Variants in GALNT13 observed in about 807,000 individuals in gnomAD.
GALNT13 encodes the protein UDP-GalNAc:polypeptide N-acetylgalactosaminyltransferase 13.
GALNT13 carries 28 observed loss-of-function variants against 64.2 expected under a neutral mutation model. That is an observed-to-expected ratio of 0.44 (90% confidence interval 0.32 to 0.60). The LOEUF is 0.60. Among genes scored for constraint, GALNT13 ranks in the 20% least tolerant of loss-of-function variants. The pLI is 0.05. For missense variants in GALNT13, 577 were observed against 669.8 expected, an observed-to-expected ratio of 0.86 and a Z score of 1.53; for synonymous variants, 214 against 224.6, an observed-to-expected ratio of 0.95 and a Z score of 0.42.
chr2:153,719,410 C>T, the GALNT13 span, among the ~76,000 whole-genome samples: 1 of 152,160 alleles, frequency 6.6e-6, no homozygotes, highest in African/African-American at 2.4e-5. Flanking sequence ...TATTTGCTTC[C>T]ATATTTGTTC....
intron 10 of GALNT13, among the ~76,000 whole-genome samples, chr2:154,408,758 A>G (rs1699662902): frequency 2.6e-5 from 4 of 152,066 alleles, no homozygotes; most frequent in Non-Finnish European, 1.5e-5. Context: ...TTAGATGCCA[A>G]TGCCAATTCT....
At chr2:154,200,529 T>G (rs1331975042) in intron 4 of GALNT13, among the ~76,000 whole-genome samples, 1 of 152,160 alleles carries the variant, frequency 6.6e-6, no homozygotes, top group African/African-American at 2.4e-5. Flanking sequence ...AAGTTGAAGA[T>G]CAAGGTGCTG....
the GALNT13 span, among the ~76,000 whole-genome samples, chr2:153,654,814 G>A: frequency 1.3e-5 from 2 of 151,924 alleles, no homozygotes; most frequent in African/African-American, 4.8e-5. Context: ...AGCATTTGTG[G>A]ATTTTGGTAT....
chr2:154,281,326 G>A (rs954374165), intron 8 of GALNT13, among the ~76,000 whole-genome samples: 7 of 152,004 alleles, frequency 4.6e-5, no homozygotes, highest in African/African-American at 1.7e-4. Context: ...CACAGAGAAC[G>A]GAAGATTTGC....
the GALNT13 span, among the ~76,000 whole-genome samples, chr2:153,561,053 T>G: frequency 1.1e-4 from 17 of 152,050 alleles, no homozygotes; most frequent in African/African-American, 4.1e-4. Flanking sequence ...TTTATTACTC[T>G]TATTTTATTG....
chr2:153,664,683 A>G, the GALNT13 span, among the ~76,000 whole-genome samples: 2 of 152,340 alleles, frequency 1.3e-5, no homozygotes, highest in African/African-American at 4.8e-5. Flanking sequence ...GCATTAAGAA[A>G]TTATAAAAGT....
the GALNT13 span, among the ~76,000 whole-genome samples, chr2:153,723,042 C>G: frequency 6.6e-6 from 1 of 151,646 alleles, no homozygotes; most frequent in Non-Finnish European, 1.5e-5. Context: ...AACATTGATG[C>G]AAAAATCCTC....
the GALNT13 span, among the ~76,000 whole-genome samples, chr2:153,083,503 A>AT: frequency 1.3e-5 from 2 of 152,004 alleles, no homozygotes; most frequent in Admixed American, 6.6e-5. Flanking sequence ...GAATTTGAGC[A>AT]TTTTTTAATA....
At chr2:153,674,273 G>T in the GALNT13 span, among the ~76,000 whole-genome samples, 1 of 152,160 alleles carries the variant, frequency 6.6e-6, no homozygotes, top group African/African-American at 2.4e-5. Flanking sequence ...AACAAAGCTG[G>T]AGGCATCATG....
At chr2:154,394,307 T>C (rs915399836) in intron 9 of GALNT13, among the ~76,000 whole-genome samples, 2 of 151,998 alleles carry the variant, frequency 1.3e-5, no homozygotes, top group Non-Finnish European at 2.9e-5. Flanking sequence ...GACGTGAAAA[T>C]TATGTGAAAT....
the GALNT13 span, among the ~76,000 whole-genome samples, chr2:153,604,471 C>T: frequency 6.6e-6 from 1 of 152,008 alleles, no homozygotes; most frequent in Non-Finnish European, 1.5e-5. Context: ...GGTCTCCTCC[C>T]TCAGTTATTT....
chr2:154,252,558 G>A (rs534766759), intron 7 of GALNT13, among the ~76,000 whole-genome samples: 6 of 151,650 alleles, frequency 4.0e-5, no homozygotes, highest in African/African-American at 7.2e-5. Flanking sequence ...GGGTTTCACC[G>A]TGTTAGCCAG....
intron 3 of GALNT13, among the ~76,000 whole-genome samples, chr2:154,048,889 TTAAGTA>T (rs1283140309): frequency 1.3e-5 from 2 of 152,114 alleles, no homozygotes; most frequent in Non-Finnish European, 2.9e-5. Flanking sequence ...TATGGAAAGA[TTAAGTA>T]TATGGATAAT....
the GALNT13 span, among the ~76,000 whole-genome samples, chr2:153,525,422 G>T: frequency 6.6e-6 from 1 of 152,286 alleles, no homozygotes; most frequent in East Asian, 1.9e-4. Context: ...TGGCCACAGC[G>T]GGATAGAGCC....
intron 3 of GALNT13, among the ~76,000 whole-genome samples, chr2:153,951,265 A>C (rs1692160663): frequency 6.6e-6 from 1 of 152,178 alleles, no homozygotes; most frequent in Non-Finnish European, 1.5e-5. Flanking sequence ...GGATTTTAAA[A>C]GTGGGAAGCC....
At chr2:153,501,322 G>GT in the GALNT13 span, among the ~76,000 whole-genome samples, 6 of 151,456 alleles carry the variant, frequency 4.0e-5, no homozygotes, top group East Asian at 1.9e-4. Context: ...TTGCTTTTTG[G>GT]TTTTTTTTGT....
intron 4 of GALNT13, among the ~76,000 whole-genome samples, chr2:154,210,182 C>A (rs949157048): frequency 3.3e-5 from 5 of 152,138 alleles, no homozygotes; most frequent in African/African-American, 1.2e-4. Context: ...TTTTTTAGGT[C>A]TGAATAGTAT....
At chr2:153,468,141 AGCGTCTACGCACTCTTTCT>A in the GALNT13 span, among the ~76,000 whole-genome samples, 1 of 152,022 alleles carries the variant, frequency 6.6e-6, no homozygotes, top group Non-Finnish European at 1.5e-5. Flanking sequence ...GCACTCTTTC[AGCGTCTACGCACTCTTTCT>A]GAACCATGGA....
At chr2:153,979,634 C>T (rs911773240) in intron 3 of GALNT13, among the ~76,000 whole-genome samples, 19 of 152,132 alleles carry the variant, frequency 1.2e-4, no homozygotes, top group African/African-American at 2.7e-4. Flanking sequence ...AATACAAATG[C>T]GCATCATAAT....
Sources: gnomAD v4.1 joint callset for allele counts (sites outside exome capture counted in the v4.1 genomes callset) on GRCh38, gnomAD v4.1.1 for gene constraint, MANE v1.5 for transcripts, NCBI Gene and HGNC (gene_info 2026-07-23, HGNC 2026-07-21) for gene names.